The following PAQR5 variants were observed in gnomAD, a reference collection of about 807,000 sequenced individuals.
PAQR5 encodes progestin and adipoQ receptor family member 5, also known as membrane progestin receptor gamma.
PAQR5 carries 20 observed loss-of-function variants against 34.5 expected under a neutral mutation model. The observed-to-expected ratio is 0.58, with a 90% CI of 0.41 to 0.84. The LOEUF is 0.84. Ranked by LOEUF, PAQR5 falls within the 40% of genes least tolerant of loss-of-function variation. PAQR5 has a pLI of 0.00. For synonymous variants in PAQR5, 131 were observed against 155.6 expected, an observed-to-expected ratio of 0.84 and a Z score of 1.18; for missense variants, 378 against 412.7, an observed-to-expected ratio of 0.92 and a Z score of 0.73.
intron 3 of PAQR5, among the ~76,000 whole-genome samples, chr15:69,372,661 C>G (rs1388960650): frequency 1.3e-5 from 2 of 152,186 alleles, no homozygotes; most frequent in African/African-American, 4.8e-5. Context: ...TTGTTTCATA[C>G]CAGCAATGGC....
At chr15:69,334,166 T>C (rs1422977406) in intron 1 of PAQR5, among the ~76,000 whole-genome samples, 1 of 152,086 alleles carries the variant, frequency 6.6e-6, no homozygotes, top group African/African-American at 2.4e-5. Flanking sequence ...TTGCTGGGGC[T>C]ACAGGCGCCC....
chr15:69,322,002 A>G (rs1256124463), intron 1 of PAQR5, among the ~76,000 whole-genome samples: 1 of 152,172 alleles, frequency 6.6e-6, no homozygotes, highest in Non-Finnish European at 1.5e-5. Context: ...TACCCTAGAA[A>G]GCATTATAGA....
chr15:69,396,363 C>T (rs1012989734), intron 6 of PAQR5, among the ~76,000 whole-genome samples: 1 of 151,950 alleles, frequency 6.6e-6, no homozygotes, highest in Admixed American at 6.6e-5. Context: ...CAGACCCCAT[C>T]CCTCCAGTGT....
At chr15:69,374,365 G>A (rs1022906855) in intron 3 of PAQR5, among the ~76,000 whole-genome samples, 1 of 152,120 alleles carries the variant, frequency 6.6e-6, no homozygotes, top group African/African-American at 2.4e-5. Flanking sequence ...AGGTACCCAG[G>A]AAATGATAGG....
intron 1 of PAQR5, among the ~76,000 whole-genome samples, chr15:69,301,859 A>ATTTTTTTTTTTTTTTTTTTTTTTT (rs71149903): frequency 1.0e-5 from 1 of 98,870 alleles, no homozygotes; most frequent in Non-Finnish European, 1.8e-5. Context: ...ATGGGGGGAG[A>ATTTTTTTTTTTTTTTTTTTTTTTT]TTTTTTTTTT....
intron 2 of PAQR5, among the ~76,000 whole-genome samples, chr15:69,339,379 C>A (rs2054587407): frequency 6.6e-6 from 1 of 152,194 alleles, no homozygotes; most frequent in African/African-American, 2.4e-5. Context: ...TTAGGAGGGG[C>A]TTCTTGTCCA....
intron 7 of PAQR5, among the ~76,000 whole-genome samples, chr15:69,398,109 T>C (rs2056504944): frequency 6.6e-6 from 1 of 152,240 alleles, no homozygotes; most frequent in South Asian, 2.1e-4. Context: ...TCATGGGCTG[T>C]GGGGAGGATT....
chr15:69,301,129 G>A (rs1223448371), intron 1 of PAQR5, among the ~76,000 whole-genome samples: 12 of 151,104 alleles, frequency 7.9e-5, no homozygotes, highest in Non-Finnish European at 1.5e-4. Context: ...TCAGCCTCCC[G>A]AGTAGCTGGG....
At chr15:69,316,876 G>C (rs2053964143) in intron 1 of PAQR5, among the ~76,000 whole-genome samples, 1 of 152,142 alleles carries the variant, frequency 6.6e-6, no homozygotes, top group South Asian at 2.1e-4. Flanking sequence ...GCTGCGTGCA[G>C]TGGTGGGATT....
At chr15:69,374,531 G>T (rs1053225156) in intron 3 of PAQR5, among the ~76,000 whole-genome samples, 15 of 152,114 alleles carry the variant, frequency 9.9e-5, no homozygotes, top group African/African-American at 3.4e-4. Context: ...CAAAAATTTA[G>T]CTGGGCATAG....
At chr15:69,378,264 TAAA>T (rs71149912) in intron 3 of PAQR5, among the ~76,000 whole-genome samples, 1,657 of 59,658 alleles carry the variant, frequency 0.028, 84 homozygotes, top group African/African-American at 0.13. Context: ...GACTCCATCT[TAAA>T]AAAAAAAAAA....
chr15:69,314,550 C>G (rs900413059), intron 1 of PAQR5: 8 of 152,324 alleles, frequency 5.3e-5, no homozygotes, highest in African/African-American at 1.4e-4. Flanking sequence ...CCATTCCCCC[C>G]CATGGATGAT....
At chr15:69,312,477 A>T (rs2053854145) in intron 1 of PAQR5, among the ~76,000 whole-genome samples, 1 of 151,802 alleles carries the variant, frequency 6.6e-6, no homozygotes, top group Non-Finnish European at 1.5e-5. Context: ...GGCTGAGCTC[A>T]ATCATCTGAC....
intron 1 of PAQR5, among the ~76,000 whole-genome samples, chr15:69,303,680 A>G (rs1466613825): frequency 6.6e-6 from 1 of 152,074 alleles, no homozygotes; most frequent in East Asian, 1.9e-4. Context: ...TGGGAGAAGG[A>G]GTGGCATTCC....
rs563881408 is a variant in PAQR5, at chr15:69,358,932, A to T, written c.-115-1034A>T. ...CACCTGGCCTTAGCTCTGCAATTTT[A>T]TGATCACTGTCTTAGTCCATTTGGC... On this transcript the variant is annotated intron_variant, in intron 2 of 8. Transcript: ENST00000395407. 2.7e-4 allele frequency among the ~76,000 whole-genome samples: 41 copies of T among 152,180 alleles called. 1 individual carries two copies. In the South Asian group the frequency reaches 8.3e-3, roughly 31 times the overall value.
intron 4 of PAQR5, chr15:69,380,236 C>A (rs1479779226): frequency 2.0e-6 from 1 of 495,698 alleles, no homozygotes; most frequent in East Asian, 3.5e-5. Context: ...GAGGGGAAAT[C>A]CCAAAAGTGC....
rs1165151620 is a variant in PAQR5, at chr15:69,403,821, G to A, written c.992G>A (p.Ter331=). 2 of 1,613,318 alleles carry A rather than the reference G, an allele frequency of 1.2e-6. No individual in the cohort carries two copies. Among genetic ancestry groups the A allele is most frequent in the Non-Finnish European group, 1.7e-6 (2 of 1,179,884 alleles). ...PKPELHKKET[*] ...CCAGAATTACATAAAAAAGAAACAT[G>A]ACTCAGACCATAAGCTTTTCATGCC... Residue 331 remains the stop codon, a stop_retained_variant, in exon 9 of 9, where the codon TGA becomes TAA. Coordinates refer to ENST00000395407, the MANE Select transcript of PAQR5 (RefSeq NM_017705.4).
Position 69,403,886 on chromosome 15 carries a change from G to A in PAQR5, c.*64G>A. ...AGCTGCAACATCCTAACCACCATAA[G>A]CCGGAGGTGGTTACAGCTTATCATG... On this transcript the variant is annotated 3_prime_UTR_variant, in exon 9 of 9. Coordinates refer to ENST00000395407, the MANE Select transcript of PAQR5 (RefSeq NM_017705.4). 6.4e-7 allele frequency: 1 copy of A among 1,566,426 alleles called. No homozygotes were observed. The highest frequency in any genetic ancestry group is 1.2e-5 in the South Asian group (1 of 85,996).
At chr15:69,374,211 GT>G (rs2055640426) in intron 3 of PAQR5, among the ~76,000 whole-genome samples, 1 of 152,198 alleles carries the variant, frequency 6.6e-6, no homozygotes, top group South Asian at 2.1e-4. Context: ...CCTATTTAAA[GT>G]TCTAGTAATT....
Sources: allele counts gnomAD v4.1 joint callset (sites outside exome capture counted in the v4.1 genomes callset), GRCh38; gene constraint gnomAD v4.1.1; transcripts MANE v1.5; gene names NCBI Gene and HGNC (gene_info 2026-07-23, HGNC 2026-07-21).